The following SYNPO variants were observed in gnomAD, a reference collection of about 807,000 sequenced individuals.
SYNPO encodes synaptopodin.
In SYNPO, 19 loss-of-function variants were observed where a neutral mutation model predicts 49.5. The ratio of observed to expected loss-of-function variants is 0.38; its 90% CI spans 0.27 to 0.56. The LOEUF is 0.56. Among genes scored for constraint, SYNPO ranks in the 20% least tolerant of loss-of-function variants. The pLI is 0.68. For synonymous variants in SYNPO, 536 were observed against 548.0 expected (o/e 0.98, Z 0.31); for missense variants, 1,131 against 1,248.3 (o/e 0.91, Z 1.42).
At chr5:150,652,072 T>A in intron 2 of SYNPO, 1 of 1,000,558 alleles carries the variant, frequency 1.0e-6, no homozygotes, top group Non-Finnish European at 1.2e-6. Context: ...TGGGCTTGTC[T>A]CCATGGGAAC....
At chr5:150,644,472 C>T (rs1049941831) in intron 1 of SYNPO, among the ~76,000 whole-genome samples, 1 of 152,218 alleles carries the variant, frequency 6.6e-6, no homozygotes, top group African/African-American at 2.4e-5. Flanking sequence ...AGAAGAGTAT[C>T]TGACCTTTTC....
chr5:150,617,398 C>G (rs574892415), intron 1 of SYNPO, among the ~76,000 whole-genome samples: 1 of 152,122 alleles, frequency 6.6e-6, no homozygotes, highest in African/African-American at 2.4e-5. Flanking sequence ...TGGATTCAAG[C>G]GATTCTCCTG....
the SYNPO span, among the ~76,000 whole-genome samples, chr5:150,595,032 G>A: frequency 6.6e-6 from 1 of 152,140 alleles, no homozygotes; most frequent in African/African-American, 2.4e-5. Flanking sequence ...TTTCCATGTA[G>A]GAAATATTTT....
chr5:150,651,595 G>A (rs1380778713), intron 2 of SYNPO: 2 of 915,524 alleles, frequency 2.2e-6, no homozygotes, highest in African/African-American at 1.8e-5. Flanking sequence ...GCCTGGGCTG[G>A]GCTGGGCTGG....
intron 1 of SYNPO, among the ~76,000 whole-genome samples, chr5:150,605,039 G>A (rs1188896010): frequency 2.6e-5 from 4 of 152,142 alleles, no homozygotes; most frequent in African/African-American, 9.7e-5. Flanking sequence ...ACCTCACAAG[G>A]CAGTTATGCG....
At position 150,658,129 on chromosome 5, in the gene SYNPO, C is replaced by G. The variant is rs1013819752; in HGVS notation, c.*1042C>G. The G allele has an allele frequency of 6.6e-6, 1 of 152,262 alleles. No individual in the cohort carries two copies. Among genetic ancestry groups the G allele is most frequent in the Non-Finnish European group, 1.5e-5 (1 of 68,048 alleles). 9.4% of individuals were successfully genotyped at this position (152,262 alleles called of 1,614,324 possible). A position where few individuals can be genotyped will look rare whatever the true frequency, so the allele number is the denominator to read the frequency against. On this transcript the variant is annotated 3_prime_UTR_variant, in exon 3 of 3. Transcript: ENST00000307662. Reference sequence around the variant, plus strand: ...CCAGGATGCATAGAGGAGATTCTAGCAGGGGACAGGATTGGCTCAGATGAC... The same window carrying G: ...CCAGGATGCATAGAGGAGATTCTAGGAGGGGACAGGATTGGCTCAGATGAC...
chr5:150,594,299 G>C, the SYNPO span, among the ~76,000 whole-genome samples: 1 of 152,186 alleles, frequency 6.6e-6, no homozygotes, highest in Non-Finnish European at 1.5e-5. Flanking sequence ...GTCAGAGCTG[G>C]GGCTTGGCTG....
intron 2 of SYNPO, chr5:150,652,584 C>A (rs1289332798): frequency 9.5e-6 from 2 of 210,144 alleles, no homozygotes; most frequent in East Asian, 1.8e-4. Flanking sequence ...AAATCGCAAC[C>A]TTTTGTTCTT....
chr5:150,652,283 G>A, intron 2 of SYNPO: 1 of 998,864 alleles, frequency 1.0e-6, no homozygotes, highest in Non-Finnish European at 1.2e-6. Context: ...CGGCCAGGCT[G>A]AGCTCTGCCC....
chr5:150,651,902 T>C (rs1758401320), intron 2 of SYNPO: 2 of 1,000,368 alleles, frequency 2.0e-6, no homozygotes, highest in Non-Finnish European at 2.4e-6. Flanking sequence ...GGTGAGAGAA[T>C]ACAGACACAA....
chr5:150,637,106 C>A (rs565193594), upstream of SYNPO, among the ~76,000 whole-genome samples: 1 of 152,290 alleles, frequency 6.6e-6, no homozygotes, highest in East Asian at 1.9e-4. Context: ...AAGTGATTTA[C>A]TGAAGGTAGC....
chr5:150,589,362 C>A, the SYNPO span, among the ~76,000 whole-genome samples: 2 of 152,242 alleles, frequency 1.3e-5, no homozygotes, highest in Admixed American at 6.5e-5. Flanking sequence ...CCACACCCAG[C>A]CTTACAGATA....
intron 1 of SYNPO, among the ~76,000 whole-genome samples, chr5:150,610,835 T>C (rs917781272): frequency 6.6e-6 from 1 of 152,118 alleles, no homozygotes; most frequent in African/African-American, 2.4e-5. Flanking sequence ...ATATACAAGA[T>C]TACAAAAAAT....
intron 1 of SYNPO, among the ~76,000 whole-genome samples, chr5:150,601,500 C>G (rs141057939): frequency 6.6e-6 from 1 of 152,238 alleles, no homozygotes; most frequent in East Asian, 1.9e-4. Flanking sequence ...CAGGAGGGCT[C>G]GGGGTCATTT....
upstream of SYNPO, among the ~76,000 whole-genome samples, chr5:150,597,923 C>T (rs1426673345): frequency 6.6e-6 from 1 of 152,196 alleles, no homozygotes; most frequent in African/African-American, 2.4e-5. Context: ...CAGGCATGAG[C>T]CACCGCACCC....
At chr5:150,651,924 C>T in intron 2 of SYNPO, 1 of 1,000,476 alleles carries the variant, frequency 1.0e-6, no homozygotes, top group South Asian at 4.7e-5. Context: ...TGGCAGGATT[C>T]AGATGGAAGC....
chr5:150,656,554 C>A lies in SYNPO; in HGVS notation c.2179C>A (p.Pro727Thr), dbSNP rs751410688. The change falls in exon 3 of 3, where the codon CCC becomes ACC. Residue 727 changes from proline to threonine, a missense_variant. Physicochemically the swap from Pro to Thr is conservative, Grantham distance 38. Transcript: ENST00000307662. ...CCCCCCGCCGCTGCCGCCGCCACCG[C>A]CCATGTCTCCCTCGTGGAGCGAGCG... ...SSPPPLPPPP[P>T]MSPSWSERSV... The A allele has an allele frequency of 6.8e-5, 104 of 1,528,594 alleles. No homozygotes were observed. Among genetic ancestry groups the A allele is most frequent in the Non-Finnish European group, 9.0e-5 (103 of 1,144,154 alleles). The allele number at this position is 1,528,594 out of a possible 1,614,324, so 94.7% of individuals were successfully genotyped here.
chr5:150,623,700 G>C (rs1310785893), intron 2 of SYNPO, among the ~76,000 whole-genome samples: 6 of 152,224 alleles, frequency 3.9e-5, no homozygotes. Flanking sequence ...CAGGCCACCT[G>C]CAGGTCTGTG....
At position 150,658,811 on chromosome 5, in the gene SYNPO, G is replaced by A. The variant is rs998721971; in HGVS notation, c.*1724G>A. On this transcript the variant is annotated 3_prime_UTR_variant, in exon 3 of 3. Transcript: ENST00000307662. ...TTGGAATGAAAGAGTGACCTTAGAG[G>A]GCTCCTTGGGCCTCAGGAATGCTCC... 6.6e-6 allele frequency: 1 copy of A among 152,398 alleles called. No individual in the cohort carries two copies. The highest frequency in any genetic ancestry group is 2.4e-5 in the African/African-American group (1 of 41,418). The allele number at this position is 152,398 out of a possible 1,614,324, so 9.4% of individuals were successfully genotyped here.
Sources: gnomAD v4.1 joint callset for allele counts (sites outside exome capture counted in the v4.1 genomes callset) on GRCh38, gnomAD v4.1.1 for gene constraint, MANE v1.5 for transcripts, NCBI Gene and HGNC (gene_info 2026-07-23, HGNC 2026-07-21) for gene names.